EXT1: variants seen among roughly 807,000 people sequenced by gnomAD.
The protein encoded by EXT1 is exostosin glycosyltransferase 1.
A neutral mutation model predicts 82.5 loss-of-function variants in EXT1; 20 were observed. The observed-to-expected ratio is 0.24, with a 90% CI of 0.17 to 0.35. The LOEUF is 0.35. Among genes scored for constraint, EXT1 ranks in the 10% least tolerant of loss-of-function variants. The pLI is 1.00. For synonymous variants in EXT1, 348 were observed against 350.8 expected (o/e 0.99, Z 0.09); for missense variants, 757 against 936.5 (o/e 0.81, Z 2.50).
chr8:117,821,671 T>TA (rs1208659787), intron 5 of EXT1, among the ~76,000 whole-genome samples: 2 of 152,234 alleles, frequency 1.3e-5, no homozygotes, highest in African/African-American at 4.8e-5. Flanking sequence ...GTGAGGGTGT[T>TA]ACGGAGAACA....
chr8:117,835,115 A>G (rs1274690069), intron 3 of EXT1, among the ~76,000 whole-genome samples: 1 of 152,218 alleles, frequency 6.6e-6, no homozygotes, highest in Non-Finnish European at 1.5e-5. Flanking sequence ...AAAGAATATG[A>G]AACAGTAGGG....
chr8:117,836,428 G>C (rs1812189953), intron 2 of EXT1, among the ~76,000 whole-genome samples: 1 of 152,188 alleles, frequency 6.6e-6, no homozygotes, highest in Admixed American at 6.5e-5. Flanking sequence ...ATTTAGGCAT[G>C]GTGCAGGGCA....
intron 1 of EXT1, among the ~76,000 whole-genome samples, chr8:118,031,700 G>A (rs192919762): frequency 5.7e-4 from 87 of 151,846 alleles, no homozygotes; most frequent in Non-Finnish European, 9.7e-4. Context: ...TCCTATCCCC[G>A]AGAAGTAAAC....
intron 1 of EXT1, among the ~76,000 whole-genome samples, chr8:118,070,135 G>C (rs1035166832): frequency 6.6e-6 from 1 of 151,856 alleles, no homozygotes; most frequent in Non-Finnish European, 1.5e-5. Flanking sequence ...CCGATGGTGC[G>C]TTTTTACTAC....
At chr8:118,035,255 T>G (rs1816398298) in intron 1 of EXT1, among the ~76,000 whole-genome samples, 1 of 152,126 alleles carries the variant, frequency 6.6e-6, no homozygotes, top group South Asian at 2.1e-4. Flanking sequence ...ACAGGAAGCT[T>G]GGAATTTGGA....
chr8:117,851,871 A>G (rs1031880172), intron 1 of EXT1, among the ~76,000 whole-genome samples: 1 of 152,190 alleles, frequency 6.6e-6, no homozygotes, highest in African/African-American at 2.4e-5. Flanking sequence ...GCAGGGGACA[A>G]CATGGGCCCC....
At position 117,799,885 on chromosome 8, in the gene EXT1, A is replaced by T. The variant is rs1823139255; in HGVS notation, c.2068T>A (p.Ser690Thr). 2 of 1,614,086 alleles carry T rather than the reference A, an allele frequency of 1.2e-6. No homozygotes were observed. Among genetic ancestry groups the T allele is most frequent in the South Asian group, 1.1e-5 (1 of 91,080 alleles). Residue 690 changes from serine to threonine, a missense_variant, in exon 11 of 11, where the codon TCC (serine) becomes ACC (threonine). Around this residue, in one of 4 missense-constraint regions of EXT1, gnomAD observed 128 missense variants for 223.2 expected, o/e 0.57. Transcript: ENST00000378204. Reference protein sequence around the residue: ...ETMMGQTSRASRWADPDHFAQ... With the variant: ...ETMMGQTSRATRWADPDHFAQ... ...AAGTGGTCAGGGTCAGCCCAACGGGAAGCCCGAGAAGTCTAGGGAGAAGGA... is the reference window on the plus strand; with the variant it reads ...AAGTGGTCAGGGTCAGCCCAACGGGTAGCCCGAGAAGTCTAGGGAGAAGGA...
rs200128437 is a variant in EXT1, at chr8:117,819,669, C to T, written c.1536+7G>A. ...GGCAGGGGCTTCTCTGTCAACTTCC[C>T]GCTCACCTGGGCACAGTACTGGGAC... On this transcript the variant is annotated splice_region_variant and intron_variant, in intron 6 of 10. Coordinates refer to ENST00000378204, the MANE Select transcript of EXT1 (RefSeq NM_000127.3). The T allele has an allele frequency of 4.3e-4, 698 of 1,610,992 alleles. 6 individuals carry two copies. The East Asian group carries it at 0.013, about 29-fold the overall frequency.
intron 1 of EXT1, among the ~76,000 whole-genome samples, chr8:117,966,477 G>A (rs570320843): frequency 3.3e-5 from 5 of 152,242 alleles, no homozygotes; most frequent in South Asian, 2.1e-4. Context: ...CTGGGAGGTC[G>A]GAAAGGTTAA....
In EXT1 at chr8:117,812,975, G is replaced by C. The variant is rs368398998; in HGVS notation, c.1633-14C>G. 21 of 1,609,590 alleles carry C rather than the reference G, an allele frequency of 1.3e-5. No homozygotes were observed. Among genetic ancestry groups the C allele is most frequent in the Non-Finnish European group, 1.8e-5 (21 of 1,176,850 alleles). On this transcript the variant is annotated splice_polypyrimidine_tract_variant and intron_variant, in intron 7 of 10. Transcript: ENST00000378204. ...GCTGCTCATAACCTGGGAGGAAGTAGAAGTAGGCAGTGGGGAGGGAATGAG... is the reference window on the plus strand; with the variant it reads ...GCTGCTCATAACCTGGGAGGAAGTACAAGTAGGCAGTGGGGAGGGAATGAG...
intron 1 of EXT1, among the ~76,000 whole-genome samples, chr8:117,845,217 G>T (rs1812333819): frequency 6.6e-6 from 1 of 152,194 alleles, no homozygotes; most frequent in Admixed American, 6.5e-5. Flanking sequence ...TCATATCCAT[G>T]ATCTCATGAC....
At position 117,938,735 on chromosome 8, in the gene EXT1, A is replaced by G. The variant is rs943112269; in HGVS notation, c.963-101534T>C. On this transcript the variant is annotated intron_variant, in intron 1 of 10. Transcript: ENST00000378204. ...GGTAAAAAGGAGTGTGCCAATCTCT[A>G]TAACTGTTAAAGGAGGCATACTCAT... Among the ~76,000 whole-genome samples the G allele has an allele frequency of 2.0e-5, 3 of 152,222 alleles. No individual in the cohort carries two copies. In the East Asian group the frequency reaches 5.8e-4, roughly 29 times the overall value.
At chr8:117,949,462 GTA>G (rs1027650565) in intron 1 of EXT1, among the ~76,000 whole-genome samples, 2 of 149,982 alleles carry the variant, frequency 1.3e-5, no homozygotes, top group Admixed American at 1.3e-4. Flanking sequence ...GTTTGTGTGT[GTA>G]TATATACACA....
At chr8:117,928,647 T>C (rs2129644254) in intron 1 of EXT1, among the ~76,000 whole-genome samples, 1 of 152,318 alleles carries the variant, frequency 6.6e-6, no homozygotes. Context: ...TGAGAGATCT[T>C]GCTTGCAACT....
At chr8:117,845,465 G>C (rs12676684) in intron 1 of EXT1, among the ~76,000 whole-genome samples, 24,388 of 151,882 alleles carry the variant, frequency 0.16, 2,401 homozygotes, top group East Asian at 0.38. Context: ...ACATGTACCA[G>C]GTGTAGCTCA....
chr8:118,018,203 A>G (rs1319468959), intron 1 of EXT1, among the ~76,000 whole-genome samples: 1 of 152,208 alleles, frequency 6.6e-6, no homozygotes, highest in African/African-American at 2.4e-5. Context: ...AAATAGGGTC[A>G]TTGCAGATGT....
At position 117,876,420 on chromosome 8, in the gene EXT1, C is replaced by T. The variant is rs527374130; in HGVS notation, c.963-39219G>A. On this transcript the variant is annotated intron_variant, in intron 1 of 10. Coordinates refer to ENST00000378204, the MANE Select transcript of EXT1 (RefSeq NM_000127.3). ...ACACCCAAATTTATTTTAAAACATA[C>T]TAGACTCCAGACCCAGAGAGTAAGG... Among the ~76,000 whole-genome samples, 296 of 152,294 alleles carry T rather than the reference C, an allele frequency of 1.9e-3. 4 individuals are homozygous for T. Among genetic ancestry groups the T allele is most frequent in the African/African-American group, 7.0e-3 (289 of 41,570 alleles).
intron 1 of EXT1, among the ~76,000 whole-genome samples, chr8:118,034,926 C>G (rs1816391482): frequency 6.6e-6 from 1 of 152,162 alleles, no homozygotes; most frequent in Non-Finnish European, 1.5e-5. Flanking sequence ...AATTGGAAAC[C>G]AACCCCTATA....
chr8:117,927,071 G>A (rs958753941), intron 1 of EXT1, among the ~76,000 whole-genome samples: 1 of 152,108 alleles, frequency 6.6e-6, no homozygotes. Context: ...AGTAATAACT[G>A]TCCCCTACAT....
Sources: allele counts gnomAD v4.1 joint callset (sites outside exome capture counted in the v4.1 genomes callset), GRCh38; gene constraint gnomAD v4.1.1; regional missense constraint gnomAD v4.1.1; transcripts MANE v1.5; gene names NCBI Gene and HGNC (gene_info 2026-07-23, HGNC 2026-07-21).